The following LNX1 variants were observed in gnomAD, a reference collection of about 807,000 sequenced individuals.
LNX1 encodes ligand of numb-protein X 1.
A neutral mutation model predicts 68.4 loss-of-function variants in LNX1; 54 were observed. That is an observed-to-expected ratio of 0.79 (90% confidence interval 0.63 to 0.99). The LOEUF (loss-of-function observed/expected upper bound fraction) is 0.99, where lower values mean the gene tolerates loss of function less well. Ranked by LOEUF, LNX1 falls within the 50% of genes least tolerant of loss-of-function variation. The pLI is 0.00. For synonymous variants in LNX1, 336 were observed against 350.0 expected (o/e 0.96, Z 0.45); for missense variants, 906 against 926.4 (o/e 0.98, Z 0.29).
chr4:53,545,423 A>T (rs916216273), intron 2 of LNX1, among the ~76,000 whole-genome samples: 1 of 152,132 alleles, frequency 6.6e-6, no homozygotes, highest in Non-Finnish European at 1.5e-5. Flanking sequence ...CCATGACAAC[A>T]CAGTAGCGAT....
At chr4:53,613,867 C>T (rs997121158) in intron 2 of LNX1, among the ~76,000 whole-genome samples, 6 of 152,176 alleles carry the variant, frequency 3.9e-5, no homozygotes, top group African/African-American at 1.4e-4. Context: ...GTCTCTAGGT[C>T]TTTGAGCAAT....
chr4:53,600,402 G>A (rs1174251183), intron 2 of LNX1, among the ~76,000 whole-genome samples: 1 of 152,200 alleles, frequency 6.6e-6, no homozygotes, highest in Non-Finnish European at 1.5e-5. Flanking sequence ...CACAGGAGAA[G>A]CCAACTTTCT....
chr4:53,556,831 C>G (rs879505785), intron 2 of LNX1, among the ~76,000 whole-genome samples: 38 of 152,328 alleles, frequency 2.5e-4, no homozygotes, highest in Middle Eastern at 6.8e-3. Context: ...GCTACCACTA[C>G]ATAGTCATGG....
chr4:53,609,142 A>G (rs1733366331), intron 2 of LNX1, among the ~76,000 whole-genome samples: 1 of 152,198 alleles, frequency 6.6e-6, no homozygotes, highest in South Asian at 2.1e-4. Flanking sequence ...AAAGTTGACA[A>G]AAACAAGCAA....
chr4:53,573,510 T>C (rs1731292193), intron 2 of LNX1, 113 bp downstream of exon 2: 2 of 683,286 alleles, frequency 2.9e-6, no homozygotes, highest in African/African-American at 3.6e-5. Context: ...GCTGTTTTTT[T>C]ATTTTGAATG....
intron 2 of LNX1, among the ~76,000 whole-genome samples, chr4:53,543,073 C>T (rs907895236): frequency 6.6e-6 from 1 of 152,186 alleles, no homozygotes; most frequent in African/African-American, 2.4e-5. Flanking sequence ...GTTGCTCAGG[C>T]TTGTCTCAAA....
At chr4:53,537,164 A>G (rs1274073039) in intron 2 of LNX1, among the ~76,000 whole-genome samples, 1 of 152,250 alleles carries the variant, frequency 6.6e-6, no homozygotes, top group African/African-American at 2.4e-5. Flanking sequence ...ACATATAATA[A>G]AAGTGCATGT....
chr4:53,577,777 TA>T (rs1182333056), intron 1 of LNX1, among the ~76,000 whole-genome samples: 1 of 151,984 alleles, frequency 6.6e-6, no homozygotes, highest in Non-Finnish European at 1.5e-5. Flanking sequence ...TCCTAGCTTT[TA>T]AAAAAAACTT....
At chr4:53,513,586 A>G (rs769870446) in intron 2 of LNX1, among the ~76,000 whole-genome samples, 2 of 152,154 alleles carry the variant, frequency 1.3e-5, no homozygotes, top group Non-Finnish European at 2.9e-5. Flanking sequence ...ATAGCTCCTT[A>G]TCTGTCATTC....
At chr4:53,644,309 G>A (rs1487122953) in intron 1 of LNX1, among the ~76,000 whole-genome samples, 3 of 152,228 alleles carry the variant, frequency 2.0e-5, no homozygotes, top group Non-Finnish European at 2.9e-5. Context: ...GCTGAGGCAC[G>A]AAAATCGCTT....
Position 53,476,902 on chromosome 4 carries a change from T to C in LNX1, c.1743A>G (p.Thr581=), listed in dbSNP as rs151307935. ...AAGCTTTGAGTACTATCGAGGATGA[T>C]GTTCTTTTCAATAATGCCACTGCCT... ...RSEAVALLKR[T]SSSIVLKALE... is the part of the protein sequence containing the mutation. The change falls in exon 9 of 11, where the codon ACA becomes ACG. Residue 581 remains threonine, a synonymous_variant. Coordinates refer to ENST00000263925, the MANE Select transcript of LNX1 (RefSeq NM_001126328.3). 2 of 1,614,196 alleles carry C rather than the reference T, an allele frequency of 1.2e-6. No homozygotes were observed. The highest frequency in any genetic ancestry group is 8.5e-7 in the Non-Finnish European group (1 of 1,180,040).
At chr4:53,558,552 T>C (rs772936685) in intron 2 of LNX1, among the ~76,000 whole-genome samples, 8 of 152,250 alleles carry the variant, frequency 5.3e-5, no homozygotes, top group Admixed American at 1.3e-4. Context: ...ATCACTGTCT[T>C]GACTGCACTG....
At chr4:53,596,607 T>A (rs138093259) in intron 2 of LNX1, among the ~76,000 whole-genome samples, 1 of 152,194 alleles carries the variant, frequency 6.6e-6, no homozygotes, top group Non-Finnish European at 1.5e-5. Context: ...GTGGTGGCTG[T>A]TGCTATTTCG....
rs1329498906 is a variant in LNX1, at chr4:53,604,218, C to A, written c.-215+12299G>T. Among the ~76,000 whole-genome samples the A allele has an allele frequency of 5.3e-5, 8 of 152,176 alleles. No individual in the cohort carries two copies. In the East Asian group the frequency reaches 1.3e-3, roughly 26 times the overall value. On this transcript the variant is annotated intron_variant, in intron 2 of 3. Coordinates refer to the LNX1 transcript ENST00000504299. ...GACAATTTGTATTACTCTTTCCCTG[C>A]TGCCCCACTAGAAATATATTAGCAC...
At chr4:53,622,031 T>G (rs1327003501), upstream of LNX1, among the ~76,000 whole-genome samples, 2 of 152,206 alleles carry the variant, frequency 1.3e-5, no homozygotes, top group African/African-American at 4.8e-5. Context: ...AATTAAGGTT[T>G]TATTTAAAAA....
At chr4:53,533,048 A>G (rs2109625326) in intron 2 of LNX1, among the ~76,000 whole-genome samples, 1 of 152,324 alleles carries the variant, frequency 6.6e-6, no homozygotes, top group African/African-American at 2.4e-5. Flanking sequence ...TTAAGCACAT[A>G]TGCTCCCTAG....
At chr4:53,498,997 T>C (rs1339774247) in intron 4 of LNX1, among the ~76,000 whole-genome samples, 154 bp from the exon 5 acceptor site, 1 of 152,190 alleles carries the variant, frequency 6.6e-6, no homozygotes, top group African/African-American at 2.4e-5. Flanking sequence ...TGTAAGTTTC[T>C]CTGCTTGGAA....
At chr4:53,634,023 A>G (rs1734372984) in intron 1 of LNX1, among the ~76,000 whole-genome samples, 1 of 152,196 alleles carries the variant, frequency 6.6e-6, no homozygotes, top group African/African-American at 2.4e-5. Flanking sequence ...TCTTGTTAAT[A>G]ACACTCTGAA....
At chr4:53,474,901 G>A (rs1383968930) in intron 9 of LNX1, among the ~76,000 whole-genome samples, 1 of 152,188 alleles carries the variant, frequency 6.6e-6, no homozygotes, top group Non-Finnish European at 1.5e-5. Context: ...CGAGTAGCTG[G>A]GACTACAGGC....
Sources: gnomAD v4.1 joint callset for allele counts (sites outside exome capture counted in the v4.1 genomes callset) on GRCh38, gnomAD v4.1.1 for gene constraint, MANE v1.5 for transcripts, NCBI Gene and HGNC (gene_info 2026-07-23, HGNC 2026-07-21) for gene names.